Variants in ADGRA3 observed in about 807,000 individuals in gnomAD.
The protein encoded by ADGRA3 is adhesion G protein-coupled receptor A3.
In ADGRA3, 56 loss-of-function variants were observed where a neutral mutation model predicts 119.8. The observed-to-expected ratio is 0.47, with a 90% CI of 0.38 to 0.58. The LOEUF (loss-of-function observed/expected upper bound fraction) is 0.58. Among genes scored for constraint, ADGRA3 ranks in the 20% least tolerant of loss-of-function variants. The pLI is 0.00. For synonymous variants in ADGRA3, 607 were observed against 623.8 expected (o/e 0.97, Z 0.40); for missense variants, 1,516 against 1,649.0 (o/e 0.92, Z 1.40).
chr4:22,466,162 T>C (rs1369374143), intron 2 of ADGRA3, among the ~76,000 whole-genome samples: 1 of 152,196 alleles, frequency 6.6e-6, no homozygotes, highest in Non-Finnish European at 1.5e-5. Flanking sequence ...AGGATACCCG[T>C]GGTCCCAGCC....
intron 1 of ADGRA3, among the ~76,000 whole-genome samples, chr4:22,493,912 A>T (rs1439017066): frequency 1.3e-5 from 2 of 152,124 alleles, no homozygotes; most frequent in Non-Finnish European, 2.9e-5. Context: ...CCACAAGAGT[A>T]AACTCTGGTG....
intron 9 of ADGRA3, 43 bp from the exon 10 acceptor site, chr4:22,435,509 C>G: frequency 2.0e-6 from 3 of 1,514,044 alleles, no homozygotes; most frequent in Non-Finnish European, 1.8e-6. Flanking sequence ...CAGTCATTAG[C>G]AAAATGATCA....
chr4:22,450,477 G>T (rs181858054), intron 4 of ADGRA3, among the ~76,000 whole-genome samples: 1 of 152,158 alleles, frequency 6.6e-6, no homozygotes, highest in East Asian at 1.9e-4. Flanking sequence ...TGTTAGCCAG[G>T]CTGGTCTCGA....
intron 9 of ADGRA3, 81 bp from the exon 10 acceptor site, chr4:22,435,547 T>C: frequency 8.0e-7 from 1 of 1,249,686 alleles, no homozygotes; most frequent in African/African-American, 1.5e-5. Context: ...TAACTTTGCA[T>C]TTCAAAACAG....
intron 11 of ADGRA3, 68 bp downstream of exon 11, chr4:22,424,123 C>G (rs775200700): frequency 3.1e-5 from 42 of 1,371,662 alleles, no homozygotes; most frequent in Non-Finnish European, 4.0e-5. Flanking sequence ...AGACACCTAT[C>G]TCTTTCGGGT....
intron 2 of ADGRA3, among the ~76,000 whole-genome samples, chr4:22,467,627 T>A (rs1406673301): frequency 6.6e-6 from 1 of 152,224 alleles, no homozygotes; most frequent in Non-Finnish European, 1.5e-5. Flanking sequence ...AACTGAGCAC[T>A]GTAATATGAT....
chr4:22,413,399 A>T lies in ADGRA3; in HGVS notation c.2024-9T>A. 6.2e-7 allele frequency: 1 copy of T among 1,607,950 alleles called. No individual in the cohort carries two copies. Among genetic ancestry groups the T allele is most frequent in the South Asian group, 1.1e-5 (1 of 90,958 alleles). On this transcript the variant is annotated splice_polypyrimidine_tract_variant and intron_variant, in intron 13 of 18. Coordinates refer to ENST00000334304, the MANE Select transcript of ADGRA3 (RefSeq NM_145290.4). ...ATCTACATTCACACCATCTGGAGAA[A>T]ATGGGAAATAAAAATATTTCTGAAA...
intron 1 of ADGRA3, among the ~76,000 whole-genome samples, chr4:22,478,773 T>A (rs867953617): frequency 6.6e-5 from 10 of 152,090 alleles, no homozygotes; most frequent in Non-Finnish European, 1.0e-4. Flanking sequence ...CAAGGCTCTA[T>A]GAAGATGAAG....
At chr4:22,451,384 A>G (rs1178784916) in intron 4 of ADGRA3, among the ~76,000 whole-genome samples, 1 of 152,176 alleles carries the variant, frequency 6.6e-6, no homozygotes, top group Non-Finnish European at 1.5e-5. Flanking sequence ...CAGGCTTCAC[A>G]GAAGTCCATT....
At chr4:22,507,691 C>A (rs754749443) in intron 1 of ADGRA3, among the ~76,000 whole-genome samples, 1 of 152,156 alleles carries the variant, frequency 6.6e-6, no homozygotes, top group Non-Finnish European at 1.5e-5. Flanking sequence ...TGATAAGCAA[C>A]CCTGTCATCA....
rs151117015 is a variant in ADGRA3, at chr4:22,387,959, C to T, written c.3712G>A (p.Asp1238Asn). ...AGTGTGCTACAAGCATCGCTGCTGTCTTGCTGGGGTGGGTTGTACTGTCTC... is the reference window on the plus strand; with the variant it reads ...AGTGTGCTACAAGCATCGCTGCTGTTTTGCTGGGGTGGGTTGTACTGTCTC... Reference protein sequence around the residue: ...RERQYNPPQQDSSDACSTLPK... With the variant: ...RERQYNPPQQNSSDACSTLPK... Residue 1238 changes from aspartate to asparagine, a missense_variant, in exon 19 of 19, where the codon GAC becomes AAC. Transcript: ENST00000334304. 4.0e-5 allele frequency: 65 copies of T among 1,614,138 alleles called. No homozygotes were observed. The African/African-American group carries it at 6.5e-4, about 16-fold the overall frequency.
At chr4:22,495,454 A>G (rs1036199190) in intron 1 of ADGRA3, among the ~76,000 whole-genome samples, 1 of 152,046 alleles carries the variant, frequency 6.6e-6, no homozygotes, top group African/African-American at 2.4e-5. Context: ...TTTCCATTTA[A>G]CTGAAACCAC....
At chr4:22,456,539 T>C (rs1717246530) in intron 3 of ADGRA3, among the ~76,000 whole-genome samples, 1 of 152,214 alleles carries the variant, frequency 6.6e-6, no homozygotes, top group African/African-American at 2.4e-5. Flanking sequence ...CTTGCATCAG[T>C]GGGCTTCCTG....
At chr4:22,436,348 C>T in intron 9 of ADGRA3, 92 bp downstream of exon 9, 2 of 909,256 alleles carry the variant, frequency 2.2e-6, no homozygotes, top group Non-Finnish European at 3.4e-6. Flanking sequence ...TATGTTTTGC[C>T]TAGTATTAAA....
At chr4:22,461,228 C>A (rs1019798484) in intron 3 of ADGRA3, among the ~76,000 whole-genome samples, 11 of 152,336 alleles carry the variant, frequency 7.2e-5, no homozygotes, top group Admixed American at 3.9e-4. Context: ...ATAAGAGTAA[C>A]ACAGCCATCC....
intron 1 of ADGRA3, among the ~76,000 whole-genome samples, chr4:22,501,977 T>A (rs2109171376): frequency 6.6e-6 from 1 of 152,228 alleles, no homozygotes; most frequent in East Asian, 1.9e-4. Context: ...GTAGAACAGT[T>A]CACTAAGGTT....
intron 3 of ADGRA3, among the ~76,000 whole-genome samples, chr4:22,456,476 C>A (rs1717242837): frequency 6.6e-6 from 1 of 152,164 alleles, no homozygotes; most frequent in Non-Finnish European, 1.5e-5. Context: ...GATGTCTTCT[C>A]CTCCTGTTGT....
intron 12 of ADGRA3, among the ~76,000 whole-genome samples, chr4:22,415,665 G>T (rs1042918828): frequency 3.3e-5 from 5 of 151,992 alleles, no homozygotes; most frequent in African/African-American, 1.2e-4. Flanking sequence ...CACACAAAAT[G>T]ACTTGAAAAC....
intron 1 of ADGRA3, among the ~76,000 whole-genome samples, chr4:22,486,262 G>A (rs1472273096): frequency 6.6e-6 from 1 of 152,080 alleles, no homozygotes; most frequent in Admixed American, 6.6e-5. Flanking sequence ...AACAGACGCA[G>A]CTCACTGTAT....
Sources: gnomAD v4.1 joint callset for allele counts (sites outside exome capture counted in the v4.1 genomes callset) on GRCh38, gnomAD v4.1.1 for gene constraint, MANE v1.5 for transcripts, NCBI Gene and HGNC (gene_info 2026-07-23, HGNC 2026-07-21) for gene names.